CSGALNACT1: variants seen among roughly 807,000 people sequenced by gnomAD.
The protein encoded by CSGALNACT1 is chondroitin sulfate N-acetylgalactosaminyltransferase 1.
In CSGALNACT1, 52 loss-of-function variants were observed where a neutral mutation model predicts 51.0. The observed-to-expected ratio is 1.02, with a 90% CI of 0.82 to 1.29. The LOEUF (loss-of-function observed/expected upper bound fraction) is 1.29, where lower values mean the gene tolerates loss of function less well. CSGALNACT1 is among the 50% of genes most tolerant of loss of function. The pLI is 0.00. For synonymous variants in CSGALNACT1, 341 were observed against 254.4 expected (o/e 1.34, Z -3.24); for missense variants, 935 against 679.2 (o/e 1.38, Z -4.19).
chr8:19,706,951 C>T lies in CSGALNACT1; in HGVS notation c.-297+50899G>A, dbSNP rs2062206565. On this transcript the variant is annotated intron_variant, in intron 1 of 1. Coordinates refer to the CSGALNACT1 transcript ENST00000517494. Reference sequence around the variant, plus strand: ...TGGCCTCGTATCTGATCAAAATCGACACCAGGACAGTCCTAGAGCTAAAAA... The same window carrying T: ...TGGCCTCGTATCTGATCAAAATCGATACCAGGACAGTCCTAGAGCTAAAAA... Among the ~76,000 whole-genome samples the T allele has an allele frequency of 2.0e-5, 3 of 152,188 alleles. No individual in the cohort carries two copies. In the South Asian group the frequency reaches 6.2e-4, roughly 32 times the overall value.
At chr8:19,406,147 T>A in intron 9 of CSGALNACT1, 78 bp from the exon 9 acceptor site, 1 of 1,534,444 alleles carries the variant, frequency 6.5e-7, no homozygotes. Context: ...AGCACAAACT[T>A]TTCATTAAGA....
At chr8:19,649,819 C>CAAAA (rs57549612) in intron 1 of CSGALNACT1, among the ~76,000 whole-genome samples, 318 of 29,402 alleles carry the variant, frequency 0.011, 62 homozygotes, top group South Asian at 0.024. Context: ...TTCCAAGTAG[C>CAAAA]AAAAAAAAAA....
chr8:19,567,528 C>T (rs1373512934), intron 3 of CSGALNACT1, among the ~76,000 whole-genome samples: 2 of 152,190 alleles, frequency 1.3e-5, no homozygotes, highest in African/African-American at 4.8e-5. Context: ...AGACATTACA[C>T]TTATTGGGGA....
At chr8:19,710,978 C>T (rs1375427447) in intron 1 of CSGALNACT1, among the ~76,000 whole-genome samples, 1 of 152,108 alleles carries the variant, frequency 6.6e-6, no homozygotes, top group Non-Finnish European at 1.5e-5. Flanking sequence ...ACAGTCTCCA[C>T]ATGCTTCAAG....
intron 6 of CSGALNACT1, among the ~76,000 whole-genome samples, chr8:19,426,334 T>A (rs2058767945): frequency 6.6e-6 from 1 of 152,220 alleles, no homozygotes; most frequent in Non-Finnish European, 1.5e-5. Flanking sequence ...CAATGGATTC[T>A]GAAGGACAGG....
At chr8:19,726,341 G>A (rs1301112669) in intron 1 of CSGALNACT1, among the ~76,000 whole-genome samples, 1 of 151,938 alleles carries the variant, frequency 6.6e-6, no homozygotes, top group African/African-American at 2.4e-5. Context: ...TAACTACCTT[G>A]ATAAATACAG....
At chr8:19,409,209 G>A (rs1161246802) in intron 8 of CSGALNACT1, among the ~76,000 whole-genome samples, 1 of 152,170 alleles carries the variant, frequency 6.6e-6, no homozygotes, top group Non-Finnish European at 1.5e-5. Flanking sequence ...GGAATAAAAA[G>A]AAATATCTGA....
At chr8:19,505,302 T>A in exon 4 of CSGALNACT1, 1 of 1,614,126 alleles carries the variant, frequency 6.2e-7, no homozygotes, top group South Asian at 1.1e-5. Context: ...CACCAACTCA[T>A]CCCGCTTGTC....
At chr8:19,467,013 A>G (rs1048350237) in intron 4 of CSGALNACT1, among the ~76,000 whole-genome samples, 1 of 151,814 alleles carries the variant, frequency 6.6e-6, no homozygotes, top group African/African-American at 2.4e-5. Flanking sequence ...TCATAGATGC[A>G]GGCTGACAAA....
intron 1 of CSGALNACT1, among the ~76,000 whole-genome samples, chr8:19,660,833 T>A (rs1194814770): frequency 6.6e-6 from 1 of 152,126 alleles, no homozygotes; most frequent in East Asian, 1.9e-4. Context: ...AAACACAAGG[T>A]TCTTACATGG....
intron 3 of CSGALNACT1, among the ~76,000 whole-genome samples, chr8:19,563,158 T>G (rs939109214): frequency 3.3e-5 from 5 of 152,180 alleles, no homozygotes; most frequent in Admixed American, 1.3e-4. Flanking sequence ...GCCATTAACC[T>G]TAGCAAACTA....
At chr8:19,516,027 G>C (rs2975482) in intron 3 of CSGALNACT1, among the ~76,000 whole-genome samples, 1 of 152,142 alleles carries the variant, frequency 6.6e-6, no homozygotes, top group Non-Finnish European at 1.5e-5. Context: ...CCCGCAAGGA[G>C]ACCTGACTCC....
chr8:19,609,579 C>G (rs917626295), intron 1 of CSGALNACT1, among the ~76,000 whole-genome samples: 24 of 149,608 alleles, frequency 1.6e-4, no homozygotes, highest in African/African-American at 5.9e-4. Flanking sequence ...AAAAGAAACC[C>G]AACAAATAGA....
intron 1 of CSGALNACT1, among the ~76,000 whole-genome samples, chr8:19,737,148 T>C (rs781470235): frequency 6.6e-6 from 1 of 152,134 alleles, no homozygotes; most frequent in African/African-American, 2.4e-5. Flanking sequence ...AATGAAACTA[T>C]CTTTGAAAGC....
intron 1 of CSGALNACT1, among the ~76,000 whole-genome samples, chr8:19,608,254 G>A (rs1042920020): frequency 4.6e-5 from 7 of 152,118 alleles, no homozygotes; most frequent in East Asian, 1.9e-4. Context: ...ACACCTATAC[G>A]GGGCAGCCCA....
chr8:19,635,459 C>A (rs932736406), intron 1 of CSGALNACT1, among the ~76,000 whole-genome samples: 4 of 152,314 alleles, frequency 2.6e-5, no homozygotes, highest in Middle Eastern at 3.4e-3. Context: ...CAGATCTGAA[C>A]CGCCGCATAC....
intron 4 of CSGALNACT1, among the ~76,000 whole-genome samples, chr8:19,467,338 G>C (rs1252189478): frequency 1.3e-5 from 2 of 151,760 alleles, no homozygotes; most frequent in African/African-American, 4.8e-5. Flanking sequence ...TGCCAGGATG[G>C]TCTCCATCTC....
intron 4 of CSGALNACT1, among the ~76,000 whole-genome samples, chr8:19,501,269 A>G (rs1196319075): frequency 7.0e-6 from 1 of 142,108 alleles, no homozygotes; most frequent in Non-Finnish European, 1.5e-5. Flanking sequence ...AAAAAAAAAA[A>G]GAATAAGGGC....
rs140090874 is a variant in CSGALNACT1 at position 19,678,767 on chromosome 8, G to T, written c.-544+3706C>A. The T allele has an allele frequency of 1.9e-4, 29 of 152,216 alleles. No homozygotes were observed. In the East Asian group the frequency reaches 5.6e-3, roughly 29 times the overall value. The allele number at this position is 152,216 out of a possible 1,614,324, so 9.4% of individuals were successfully genotyped here. A position where few individuals can be genotyped will look rare whatever the true frequency, so the allele number is the denominator to read the frequency against. On this transcript the variant is annotated intron_variant, in intron 1 of 9. Transcript: ENST00000332246. ...GAGCTTCAGCACATGAAACAGATTC[G>T]TCTGGAGTAATAGGAAGTATGTCCA...
Sources: gnomAD v4.1 joint callset for allele counts (sites outside exome capture counted in the v4.1 genomes callset) on GRCh38, gnomAD v4.1.1 for gene constraint, MANE v1.5 for transcripts, NCBI Gene and HGNC (gene_info 2026-07-23, HGNC 2026-07-21) for gene names.